RHOBTB1: variants seen among roughly 807,000 people sequenced by gnomAD.
RHOBTB1 encodes the protein Rho related BTB domain containing 1, also known as rho-related BTB domain-containing protein 1.
RHOBTB1 carries 40 observed loss-of-function variants against 71.6 expected under a neutral mutation model. That is an observed-to-expected ratio of 0.56 (90% confidence interval 0.43 to 0.73). RHOBTB1 has a LOEUF of 0.73. Among genes scored for constraint, RHOBTB1 ranks in the 30% least tolerant of loss-of-function variants. RHOBTB1 has a pLI of 0.00. For synonymous variants in RHOBTB1, 319 were observed against 334.9 expected, an observed-to-expected ratio of 0.95 and a Z score of 0.52; for missense variants, 797 against 894.0, an observed-to-expected ratio of 0.89 and a Z score of 1.38.
chr10:60,867,478 A>G (rs1249321567), downstream of RHOBTB1, among the ~76,000 whole-genome samples: 3 of 152,224 alleles, frequency 2.0e-5, no homozygotes, highest in Non-Finnish European at 2.9e-5. Flanking sequence ...TTGTAAATCC[A>G]TGTCGCTGTG....
chr10:60,868,020 G>A (rs1283093207), downstream of RHOBTB1, among the ~76,000 whole-genome samples: 1 of 152,062 alleles, frequency 6.6e-6, no homozygotes, highest in Non-Finnish European at 1.5e-5. Context: ...ATTCAATTCT[G>A]TGTCTTTCTT....
chr10:60,978,493 T>C (rs1448001238), intron 2 of RHOBTB1, among the ~76,000 whole-genome samples: 2 of 152,190 alleles, frequency 1.3e-5, no homozygotes, highest in African/African-American at 4.8e-5. Context: ...GAATTAAGGC[T>C]AAGTTGGGAG....
At chr10:60,886,727 T>G (rs10082373) in intron 6 of RHOBTB1, among the ~76,000 whole-genome samples, 14,280 of 142,066 alleles carry the variant, frequency 0.1, 1,144 homozygotes, top group African/African-American at 0.21. Context: ...TGGGGGGGGG[T>G]GGGTCTGGCT....
chr10:60,989,635 T>C (rs6479744), intron 1 of RHOBTB1, among the ~76,000 whole-genome samples: 72,973 of 152,020 alleles, frequency 0.48, 17,930 homozygotes, highest in East Asian at 0.74. Flanking sequence ...TAGCACCTTG[T>C]TTCCTGTGCT....
chr10:60,863,672 A>G, the RHOBTB1 span, among the ~76,000 whole-genome samples: 3 of 152,032 alleles, frequency 2.0e-5, no homozygotes, highest in Non-Finnish European at 2.9e-5. Flanking sequence ...AGCTGGGACT[A>G]CAGGTGCCTG....
chr10:60,908,881 G>A (rs185337480), intron 4 of RHOBTB1, among the ~76,000 whole-genome samples: 35 of 152,294 alleles, frequency 2.3e-4, no homozygotes, highest in African/African-American at 7.7e-4. Flanking sequence ...TAAGGAGAAC[G>A]TGGCCAGAAA....
chr10:60,966,678 T>G (rs1279716675), intron 2 of RHOBTB1, among the ~76,000 whole-genome samples: 1 of 152,204 alleles, frequency 6.6e-6, no homozygotes, highest in East Asian at 1.9e-4. Flanking sequence ...TTTGGTTCTT[T>G]TTTTTTAATC....
At chr10:60,991,405 C>G (rs896572626) in intron 1 of RHOBTB1, among the ~76,000 whole-genome samples, 4 of 151,502 alleles carry the variant, frequency 2.6e-5, no homozygotes. Context: ...CTTCTGCACT[C>G]CAGACAGTGT....
the RHOBTB1 span, among the ~76,000 whole-genome samples, chr10:60,862,659 CT>C: frequency 0.015 from 1,876 of 125,528 alleles, 46 homozygotes; most frequent in African/African-American, 0.045. Flanking sequence ...TTTCTTTTTT[CT>C]TTTTTTCTTT....
rs1346865940 is a variant in RHOBTB1 at position 60,888,238 on chromosome 10, T to C, written c.1430A>G (p.Glu477Gly). 6.2e-7 allele frequency: 1 copy of C among 1,613,868 alleles called. No individual in the cohort carries two copies. The highest frequency in any genetic ancestry group is 1.7e-5 in the Admixed American group (1 of 59,992). The change falls in exon 6 of 11, where the codon GAG becomes GGG. Residue 477 changes from glutamate to glycine, a missense_variant. Around this residue, in one of 2 missense-constraint regions of RHOBTB1, gnomAD observed 658 missense variants for 681.5 expected, o/e 0.97. Coordinates refer to ENST00000337910, the MANE Select transcript of RHOBTB1 (RefSeq NM_014836.5). The stretch of plus-strand genomic sequence containing the variant: ...CGAGAACGTTCCCTTGCTGAGACAC[T>C]CTTTTATCCGATTGGCTTTCCTTAC... Reference protein sequence around the residue: ...FHVRKANRIKECLSKGTFSDV... With the variant: ...FHVRKANRIKGCLSKGTFSDV...
At chr10:60,862,629 TTC>T in the RHOBTB1 span, among the ~76,000 whole-genome samples, 3 of 151,044 alleles carry the variant, frequency 2.0e-5, no homozygotes, top group East Asian at 1.9e-4. Context: ...CCTTCCTTCC[TTC>T]TCTTTTTCCT....
chr10:60,971,061 C>G (rs1011189140), intron 2 of RHOBTB1, among the ~76,000 whole-genome samples: 5 of 152,152 alleles, frequency 3.3e-5, no homozygotes, highest in Admixed American at 1.3e-4. Context: ...ATGGGACACT[C>G]TTACCATCAT....
upstream of RHOBTB1, among the ~76,000 whole-genome samples, chr10:60,947,923 C>T (rs2085290840): frequency 6.6e-6 from 1 of 151,170 alleles, no homozygotes; most frequent in South Asian, 2.1e-4. Context: ...GCACCGTTCA[C>T]ATTTCCACCA....
intron 2 of RHOBTB1, among the ~76,000 whole-genome samples, chr10:60,913,411 GA>G (rs934283119): frequency 8.5e-5 from 13 of 152,200 alleles, no homozygotes; most frequent in African/African-American, 3.1e-4. Context: ...TGGGGAAAAA[GA>G]GTCTTTAAAA....
intron 4 of RHOBTB1, among the ~76,000 whole-genome samples, chr10:60,899,330 A>G (rs1360275737): frequency 2.6e-5 from 4 of 152,048 alleles, no homozygotes; most frequent in Non-Finnish European, 4.4e-5. Flanking sequence ...CTCTCTTTCA[A>G]CTCCGTCTGG....
chr10:60,879,573 G>A (rs1337286138), intron 7 of RHOBTB1, among the ~76,000 whole-genome samples: 1 of 151,384 alleles, frequency 6.6e-6, no homozygotes, highest in Non-Finnish European at 1.5e-5. Context: ...TCAAACTCCT[G>A]GCCTCAAGTG....
intron 4 of RHOBTB1, among the ~76,000 whole-genome samples, chr10:60,905,007 T>A (rs1589252080): frequency 6.6e-6 from 1 of 152,344 alleles, no homozygotes; most frequent in East Asian, 1.9e-4. Flanking sequence ...CATGCATTGC[T>A]AACTTTCTTC....
chr10:60,887,548 G>A (rs16915675), intron 6 of RHOBTB1, among the ~76,000 whole-genome samples: 4 of 152,076 alleles, frequency 2.6e-5, no homozygotes, highest in Non-Finnish European at 4.4e-5. Flanking sequence ...ATTATGAAAG[G>A]GTGCTGCGGG....
chr10:60,886,007 C>T, intron 7 of RHOBTB1, 105 bp downstream of exon 7: 1 of 798,920 alleles, frequency 1.3e-6, no homozygotes, highest in South Asian at 1.5e-5. Context: ...ACTCATGGAG[C>T]CAGTTTAAGG....
Sources: allele counts gnomAD v4.1 joint callset (sites outside exome capture counted in the v4.1 genomes callset), GRCh38; gene constraint gnomAD v4.1.1; regional missense constraint gnomAD v4.1.1; transcripts MANE v1.5; gene names NCBI Gene and HGNC (gene_info 2026-07-23, HGNC 2026-07-21).